Variants in PDE8A observed in about 807,000 individuals in gnomAD.
PDE8A encodes the protein high affinity cAMP-specific and IBMX-insensitive 3',5'-cyclic phosphodiesterase 8A.
Under a neutral mutation model 105.0 loss-of-function variants are expected in PDE8A, and 59 were observed. That is an observed-to-expected ratio of 0.56 (90% CI 0.46 to 0.70). PDE8A has a LOEUF of 0.70. PDE8A is among the 30% of genes least tolerant of loss of function. PDE8A has a pLI of 0.00. For missense variants in PDE8A, 1,014 were observed against 1,045.9 expected (o/e 0.97, Z 0.42); for synonymous variants, 355 against 371.9 (o/e 0.95, Z 0.52).
chr15:85,117,499 G>C, intron 16 of PDE8A, 142 bp from the exon 17 acceptor site: 1 of 700,404 alleles, frequency 1.4e-6, no homozygotes. Flanking sequence ...GGCCCCACCA[G>C]AGAGAGGCCA....
chr15:85,048,441 A>G (rs28438405), intron 1 of PDE8A, among the ~76,000 whole-genome samples: 13,504 of 152,248 alleles, frequency 0.089, 1,669 homozygotes, highest in African/African-American at 0.28. Context: ...TAAAGGACCC[A>G]GGTGGCTCTC....
intron 19 of PDE8A, among the ~76,000 whole-genome samples, chr15:85,123,566 C>CT: frequency 1.3e-5 from 2 of 152,220 alleles, no homozygotes; most frequent in Middle Eastern, 6.8e-3. Context: ...AGGTCCATCT[C>CT]TCCTTTTCAT....
At chr15:85,059,811 G>C (rs971239779) in intron 1 of PDE8A, among the ~76,000 whole-genome samples, 4 of 152,040 alleles carry the variant, frequency 2.6e-5, no homozygotes, top group Admixed American at 2.6e-4. Context: ...AGTAATTACT[G>C]AGCTTGCACA....
At chr15:85,025,557 T>A (rs549135537) in intron 1 of PDE8A, among the ~76,000 whole-genome samples, 20 of 152,250 alleles carry the variant, frequency 1.3e-4, no homozygotes, top group Non-Finnish European at 2.4e-4. Context: ...CTGGATGCTC[T>A]CCATCTACCA....
chr15:84,990,894 G>C (rs1424537846), intron 1 of PDE8A, among the ~76,000 whole-genome samples: 1 of 152,108 alleles, frequency 6.6e-6, no homozygotes, highest in African/African-American at 2.4e-5. Flanking sequence ...CCCATCATTT[G>C]GTGTTAATCA....
chr15:84,982,111 T>A lies in PDE8A; in HGVS notation c.-52T>A. 8.3e-7 allele frequency: 1 copy of A among 1,201,154 alleles called. No individual in the cohort carries two copies. The highest frequency in any genetic ancestry group is 1.0e-6 in the Non-Finnish European group (1 of 959,014). 74.4% of individuals were successfully genotyped at this position (1,201,154 alleles called of 1,614,324 possible). A position where few individuals can be genotyped will look rare whatever the true frequency, so the allele number is the denominator to read the frequency against. On this transcript the variant is annotated 5_prime_UTR_variant, in exon 1 of 22. Transcript: ENST00000394553. ...GCCCGGAGGCGCCGGGTGGGCCGTTTGCTGACCGGATCGCGGCTACCCGCC... is the reference window on the plus strand; with the variant it reads ...GCCCGGAGGCGCCGGGTGGGCCGTTAGCTGACCGGATCGCGGCTACCCGCC...
chr15:85,124,214 A>G (rs923109962), intron 19 of PDE8A, among the ~76,000 whole-genome samples: 3 of 152,204 alleles, frequency 2.0e-5, no homozygotes, highest in Non-Finnish European at 4.4e-5. Flanking sequence ...GGAAGCATAC[A>G]GGCCCAAGTT....
chr15:85,047,829 A>T (rs769181237), intron 1 of PDE8A, among the ~76,000 whole-genome samples: 10 of 152,184 alleles, frequency 6.6e-5, no homozygotes, highest in African/African-American at 9.7e-5. Context: ...CTTTTCCCTC[A>T]GCTTGTGACC....
chr15:85,049,848 A>G (rs1417431496), intron 1 of PDE8A, among the ~76,000 whole-genome samples: 1 of 152,202 alleles, frequency 6.6e-6, no homozygotes, highest in Non-Finnish European at 1.5e-5. Flanking sequence ...ATATATACCC[A>G]AAAGGGGATT....
At chr15:85,133,083 G>T (rs1053041444) in intron 20 of PDE8A, among the ~76,000 whole-genome samples, 1 of 152,174 alleles carries the variant, frequency 6.6e-6, no homozygotes, top group African/African-American at 2.4e-5. Context: ...CATCATGAAA[G>T]TTTAAAGTTT....
At chr15:85,017,658 G>A (rs560884006) in intron 1 of PDE8A, among the ~76,000 whole-genome samples, 33 of 152,108 alleles carry the variant, frequency 2.2e-4, no homozygotes, top group South Asian at 8.3e-4. Context: ...AGGCTGAGGC[G>A]GGTGGATTAC....
At chr15:85,056,277 A>T (rs895929868) in intron 1 of PDE8A, among the ~76,000 whole-genome samples, 6 of 152,040 alleles carry the variant, frequency 3.9e-5, no homozygotes, top group African/African-American at 1.2e-4. Flanking sequence ...GAATCTGACA[A>T]TTACGTGTCT....
chr15:85,080,945 G>C (rs1001575281), intron 5 of PDE8A, among the ~76,000 whole-genome samples: 23 of 152,310 alleles, frequency 1.5e-4, no homozygotes, highest in African/African-American at 5.5e-4. Context: ...AGAGGTAGTG[G>C]CAGGCTCTCC....
chr15:85,026,612 C>T (rs2141365263), intron 1 of PDE8A, among the ~76,000 whole-genome samples: 1 of 152,030 alleles, frequency 6.6e-6, no homozygotes. Flanking sequence ...GATCTATATC[C>T]CCATCTCTCA....
At chr15:85,058,936 G>T (rs943294594) in intron 1 of PDE8A, among the ~76,000 whole-genome samples, 1 of 151,906 alleles carries the variant, frequency 6.6e-6, no homozygotes, top group Non-Finnish European at 1.5e-5. Flanking sequence ...CTAGCTTTGG[G>T]TTTAGTTTTC....
At chr15:85,130,655 C>T (rs1157506575) in intron 20 of PDE8A, among the ~76,000 whole-genome samples, 1 of 152,164 alleles carries the variant, frequency 6.6e-6, no homozygotes, top group East Asian at 1.9e-4. Context: ...GTATTGAAGT[C>T]TCCAGCCATT....
intron 12 of PDE8A, 98 bp downstream of exon 12, chr15:85,109,228 A>C: frequency 1.4e-6 from 1 of 716,524 alleles, no homozygotes; most frequent in Non-Finnish European, 2.3e-6. Context: ...TCTACCTCCA[A>C]TTCTTGGGAG....
rs575535719 is a variant in PDE8A at position 85,122,019 on chromosome 15, C to G, written c.1952+1005C>G. Among the ~76,000 whole-genome samples, 146 of 152,260 alleles carry G rather than the reference C, an allele frequency of 9.6e-4. 1 individual carries two copies. The highest frequency in any genetic ancestry group is 3.4e-3 in the African/African-American group (141 of 41,562). ...GACTCAAAGAAGCAGTCATCTATCT[C>G]TCTCCCTGAAGCACTCCACTCTGCC... On this transcript the variant is annotated intron_variant, in intron 18 of 21. Coordinates refer to ENST00000394553, the MANE Select transcript of PDE8A (RefSeq NM_002605.3).
intron 18 of PDE8A, among the ~76,000 whole-genome samples, chr15:85,122,587 C>A (rs1206080586): frequency 2.0e-5 from 3 of 152,044 alleles, no homozygotes; most frequent in Admixed American, 6.5e-5. Flanking sequence ...ATATTCATAC[C>A]CCTTCAAATT....
Sources: allele counts gnomAD v4.1 joint callset (sites outside exome capture counted in the v4.1 genomes callset), GRCh38; gene constraint gnomAD v4.1.1; transcripts MANE v1.5; gene names NCBI Gene and HGNC (gene_info 2026-07-23, HGNC 2026-07-21).